Variants in EDIL3 observed in about 807,000 individuals in gnomAD.
EDIL3 encodes the protein EGF-like repeat and discoidin I-like domain-containing protein 3.
A neutral mutation model predicts 67.4 loss-of-function variants in EDIL3; 37 were observed. The observed-to-expected ratio is 0.55, with a 90% CI of 0.42 to 0.72. The LOEUF (loss-of-function observed/expected upper bound fraction) is 0.72. Among genes scored for constraint, EDIL3 ranks in the 30% least tolerant of loss-of-function variants. The pLI is 0.00. For synonymous variants in EDIL3, 195 were observed against 196.3 expected, an observed-to-expected ratio of 0.99 and a Z score of 0.05; for missense variants, 527 against 586.3, an observed-to-expected ratio of 0.90 and a Z score of 1.04.
At chr5:84,240,610 C>T (rs906924310) in intron 2 of EDIL3, among the ~76,000 whole-genome samples, 1 of 152,040 alleles carries the variant, frequency 6.6e-6, no homozygotes, top group Non-Finnish European at 1.5e-5. Context: ...TAGGGTGTGG[C>T]CTCCTTAATC....
intron 2 of EDIL3, among the ~76,000 whole-genome samples, chr5:84,230,998 T>A (rs1744566521): frequency 6.6e-6 from 1 of 152,126 alleles, no homozygotes; most frequent in Non-Finnish European, 1.5e-5. Context: ...TGGGTAGTGG[T>A]TACCAACCCT....
chr5:84,262,659 G>GTTTTTTTTTTTT (rs773035274), intron 1 of EDIL3, among the ~76,000 whole-genome samples: 1,029 of 46,316 alleles, frequency 0.022, 349 homozygotes, highest in Non-Finnish European at 0.029. Context: ...AGGTTGGTTG[G>GTTTTTTTTTTTT]TTTTTTTTTT....
chr5:84,116,225 C>T (rs1466697805), intron 5 of EDIL3, among the ~76,000 whole-genome samples: 1 of 130,280 alleles, frequency 7.7e-6, no homozygotes, highest in Non-Finnish European at 1.6e-5. Context: ...AGAGATGAAA[C>T]AGGAGGCCAT....
At chr5:84,274,169 C>A (rs1745529552) in intron 1 of EDIL3, among the ~76,000 whole-genome samples, 1 of 152,128 alleles carries the variant, frequency 6.6e-6, no homozygotes, top group Non-Finnish European at 1.5e-5. Context: ...TTCAGTGGTG[C>A]AATCATGGCT....
intron 4 of EDIL3, among the ~76,000 whole-genome samples, chr5:84,147,811 C>T (rs1748315662): frequency 6.6e-6 from 1 of 151,594 alleles, no homozygotes; most frequent in South Asian, 2.1e-4. Context: ...GGCACTGATA[C>T]ACAGTTAAAT....
chr5:84,194,840 C>T (rs1412490106), intron 3 of EDIL3, among the ~76,000 whole-genome samples: 1 of 151,844 alleles, frequency 6.6e-6, no homozygotes, highest in Non-Finnish European at 1.5e-5. Flanking sequence ...TAAAGATTGA[C>T]TGTAGCTCAT....
chr5:84,320,296 A>G (rs1390525408), intron 1 of EDIL3, among the ~76,000 whole-genome samples: 1 of 152,110 alleles, frequency 6.6e-6, no homozygotes, highest in Non-Finnish European at 1.5e-5. Context: ...ATACGTTGCT[A>G]TTTACAATGT....
chr5:84,051,977 C>T (rs1234003212), intron 9 of EDIL3, among the ~76,000 whole-genome samples: 1 of 152,010 alleles, frequency 6.6e-6, no homozygotes, highest in Non-Finnish European at 1.5e-5. Context: ...AGATACTCCT[C>T]GAGAAGAGCA....
chr5:84,159,170 A>G (rs1281264939), intron 4 of EDIL3, among the ~76,000 whole-genome samples: 1 of 152,058 alleles, frequency 6.6e-6, no homozygotes, highest in Non-Finnish European at 1.5e-5. Flanking sequence ...CACGGGTGAA[A>G]ACATCCATTA....
intron 1 of EDIL3, among the ~76,000 whole-genome samples, chr5:84,340,841 C>T (rs1453411441): frequency 1.3e-5 from 2 of 151,608 alleles, no homozygotes; most frequent in Non-Finnish European, 2.9e-5. Flanking sequence ...TGTTCTCCAG[C>T]TTCACAAATT....
chr5:84,056,231 A>G (rs539876886), intron 9 of EDIL3, among the ~76,000 whole-genome samples: 198 of 152,224 alleles, frequency 1.3e-3, no homozygotes, highest in African/African-American at 4.7e-3. Flanking sequence ...ACAAAAAACC[A>G]AACACCGCAT....
rs1002922806 is a variant in EDIL3, at chr5:84,166,471, C to T, written c.355+13922G>A. Among the ~76,000 whole-genome samples the T allele has an allele frequency of 2.6e-5, 4 of 152,140 alleles. No homozygotes were observed. The South Asian group carries it at 8.3e-4, about 31-fold the overall frequency. On this transcript the variant is annotated intron_variant, in intron 4 of 10. Transcript: ENST00000296591. ...TGATTCATTGGTTAACACACCAAGG[C>T]TCATTCATTCATTTGTTTACTTAAC...
At chr5:84,338,227 A>G (rs1245555288) in intron 1 of EDIL3, among the ~76,000 whole-genome samples, 3 of 152,164 alleles carry the variant, frequency 2.0e-5, no homozygotes, top group Non-Finnish European at 2.9e-5. Flanking sequence ...ACCATCCTTT[A>G]GGAAGCACAC....
intron 1 of EDIL3, among the ~76,000 whole-genome samples, chr5:84,268,545 T>A (rs771966369): frequency 5.9e-5 from 9 of 152,340 alleles, no homozygotes; most frequent in South Asian, 4.1e-4. Context: ...TTATTTGACA[T>A]TGATATTAGT....
intron 4 of EDIL3, among the ~76,000 whole-genome samples, chr5:84,157,264 C>A (rs921392684): frequency 6.6e-6 from 1 of 151,880 alleles, no homozygotes; most frequent in Non-Finnish European, 1.5e-5. Context: ...GTACAACAAA[C>A]CCCCAAGACA....
chr5:84,259,665 G>A (rs972794051), intron 1 of EDIL3, among the ~76,000 whole-genome samples: 1 of 152,148 alleles, frequency 6.6e-6, no homozygotes, highest in Non-Finnish European at 1.5e-5. Context: ...TGATCGGACT[G>A]CATGATTCTG....
intron 1 of EDIL3, among the ~76,000 whole-genome samples, chr5:84,352,015 G>T (rs972527611): frequency 5.9e-5 from 9 of 151,760 alleles, no homozygotes; most frequent in African/African-American, 2.2e-4. Flanking sequence ...CATACTAACA[G>T]GTAACAAATA....
intron 9 of EDIL3, among the ~76,000 whole-genome samples, chr5:84,002,839 G>T (rs1243819905): frequency 6.6e-6 from 1 of 152,182 alleles, no homozygotes; most frequent in African/African-American, 2.4e-5. Flanking sequence ...GTAGGCCAAA[G>T]GTACTCTCTA....
rs182544942 is a variant in EDIL3, at chr5:84,019,512, C to A, written c.1137+40788G>T. 2.4e-4 allele frequency among the ~76,000 whole-genome samples: 37 copies of A among 151,802 alleles called. 1 individual carries two copies. Among genetic ancestry groups the A allele is most frequent in the Middle Eastern group, 6.8e-3 (2 of 294 alleles). On this transcript the variant is annotated intron_variant, in intron 9 of 10. Transcript: ENST00000296591. ...TACATATGTAACAAACCTGCACGTT[C>A]TGCACATGTACCCTAAAACTTAAAG...
Sources: allele counts gnomAD v4.1 joint callset (sites outside exome capture counted in the v4.1 genomes callset), GRCh38; gene constraint gnomAD v4.1.1; transcripts MANE v1.5; gene names NCBI Gene and HGNC (gene_info 2026-07-23, HGNC 2026-07-21).